Variants in ANKS1B observed in about 807,000 individuals in gnomAD.
The protein encoded by ANKS1B is ankyrin repeat and sterile alpha motif domain-containing protein 1B.
A neutral mutation model predicts 148.3 loss-of-function variants in ANKS1B; 36 were observed. The observed-to-expected ratio is 0.24, with a 90% CI of 0.19 to 0.32. ANKS1B has a LOEUF of 0.32. Ranked by LOEUF, ANKS1B falls within the 10% of genes least tolerant of loss-of-function variation. The pLI, the probability that ANKS1B is intolerant of heterozygous loss-of-function variation, is 1.00. For synonymous variants in ANKS1B, 542 were observed against 560.8 expected (o/e 0.97, Z 0.47); for missense variants, 1,157 against 1,542.6 (o/e 0.75, Z 4.19).
chr12:98,817,146 G>A (rs2099148182), intron 19 of ANKS1B, among the ~76,000 whole-genome samples: 1 of 152,180 alleles, frequency 6.6e-6, no homozygotes, highest in Non-Finnish European at 1.5e-5. Flanking sequence ...ATAATGAAGT[G>A]CATTCCTTCT....
At chr12:98,889,358 T>A (rs529795788) in intron 17 of ANKS1B, among the ~76,000 whole-genome samples, 14 of 152,256 alleles carry the variant, frequency 9.2e-5, no homozygotes, top group South Asian at 6.2e-4. Context: ...TTATTTTTTT[T>A]TTTTTTGAGA....
At chr12:99,688,126 G>A (rs1277960759) in intron 8 of ANKS1B, among the ~76,000 whole-genome samples, 1 of 152,092 alleles carries the variant, frequency 6.6e-6, no homozygotes, top group Non-Finnish European at 1.5e-5. Context: ...TCACTGTTGG[G>A]AATATAAAAC....
intron 2 of ANKS1B, among the ~76,000 whole-genome samples, chr12:99,819,540 A>G (rs1467217663): frequency 6.6e-6 from 1 of 151,858 alleles, no homozygotes; most frequent in Non-Finnish European, 1.5e-5. Context: ...AAATACTTTA[A>G]AAGGTAGAAG....
At chr12:98,942,418 A>G (rs1358992057) in intron 17 of ANKS1B, among the ~76,000 whole-genome samples, 2 of 152,240 alleles carry the variant, frequency 1.3e-5, no homozygotes, top group Non-Finnish European at 2.9e-5. Flanking sequence ...AACAAGACCT[A>G]TCTCTGCAAG....
intron 1 of ANKS1B, among the ~76,000 whole-genome samples, chr12:99,949,495 T>G (rs2095158361): frequency 6.6e-6 from 1 of 152,114 alleles, no homozygotes; most frequent in South Asian, 2.1e-4. Context: ...TTGGGGTTAA[T>G]AAGTTACTGT....
At chr12:99,026,521 T>A (rs2099948870) in intron 17 of ANKS1B, among the ~76,000 whole-genome samples, 1 of 151,956 alleles carries the variant, frequency 6.6e-6, no homozygotes, top group South Asian at 2.1e-4. Flanking sequence ...AGACAAAGAG[T>A]CAGATCTGGG....
In ANKS1B at chr12:99,512,624, C is replaced by T. The variant is rs577919461; in HGVS notation, c.1273-7983G>A. 2.2e-4 allele frequency among the ~76,000 whole-genome samples: 33 copies of T among 152,156 alleles called. No individual in the cohort carries two copies. In the South Asian group the frequency reaches 4.6e-3, roughly 21 times the overall value. ...CATATAAGTTCATTACAGCACTGTT[C>T]ACAATAGCAAAGACATGGGGTCAAC... On this transcript the variant is annotated intron_variant, in intron 9 of 26. Transcript: ENST00000683438.
At chr12:99,038,606 T>A (rs2099956971) in intron 17 of ANKS1B, among the ~76,000 whole-genome samples, 1 of 152,216 alleles carries the variant, frequency 6.6e-6, no homozygotes, top group Non-Finnish European at 1.5e-5. Context: ...TAGATTACTA[T>A]GCAACCCCTC....
At chr12:98,788,488 G>T (rs2098818357) in intron 22 of ANKS1B, among the ~76,000 whole-genome samples, 1 of 152,122 alleles carries the variant, frequency 6.6e-6, no homozygotes, top group Non-Finnish European at 1.5e-5. Context: ...ACCTTGCAAG[G>T]ACTTTTCTGG....
intron 9 of ANKS1B, among the ~76,000 whole-genome samples, chr12:99,522,648 C>A (rs1410622749): frequency 6.6e-6 from 1 of 152,100 alleles, no homozygotes; most frequent in African/African-American, 2.4e-5. Flanking sequence ...ATAAAAAATT[C>A]ATCATGGAGC....
At chr12:99,702,210 T>C (rs777729032) in intron 8 of ANKS1B, among the ~76,000 whole-genome samples, 3 of 152,162 alleles carry the variant, frequency 2.0e-5, no homozygotes, top group Non-Finnish European at 4.4e-5. Context: ...TTGTTATTGC[T>C]TGTCTTTTTA....
chr12:99,922,938 T>A (rs1450395286), intron 1 of ANKS1B, among the ~76,000 whole-genome samples: 6 of 147,060 alleles, frequency 4.1e-5, no homozygotes, highest in Non-Finnish European at 6.0e-5. Flanking sequence ...TCCAGAACTA[T>A]AAAAAAAAAA....
intron 15 of ANKS1B, among the ~76,000 whole-genome samples, chr12:99,151,030 T>G (rs1352718869): frequency 6.6e-6 from 1 of 152,196 alleles, no homozygotes; most frequent in East Asian, 1.9e-4. Flanking sequence ...TACAAATTTC[T>G]ATTTATTTTA....
intron 1 of ANKS1B, among the ~76,000 whole-genome samples, chr12:99,835,615 G>A (rs2153692752): frequency 6.6e-6 from 1 of 152,080 alleles, no homozygotes; most frequent in South Asian, 2.1e-4. Context: ...TTTTTGTACT[G>A]TTTTCAATAT....
At position 99,538,628 on chromosome 12, in the gene ANKS1B, T is replaced by G. The variant is rs368554846; in HGVS notation, c.1273-33987A>C. Among the ~76,000 whole-genome samples the G allele has an allele frequency of 8.5e-5, 13 of 152,296 alleles. No homozygotes were observed. The South Asian group carries it at 2.7e-3, about 32-fold the overall frequency. On this transcript the variant is annotated intron_variant, in intron 9 of 26. Transcript: ENST00000683438. ...CCTGCTACTTTACCAAATTTACTAGTTCTAATAGTTTTCTTGTGGAGCCTT... is the reference window on the plus strand; with the variant it reads ...CCTGCTACTTTACCAAATTTACTAGGTCTAATAGTTTTCTTGTGGAGCCTT...
At chr12:99,422,865 C>G (rs1469028304) in intron 11 of ANKS1B, among the ~76,000 whole-genome samples, 1 of 152,006 alleles carries the variant, frequency 6.6e-6, no homozygotes, top group Non-Finnish European at 1.5e-5. Flanking sequence ...TAAAAATTTC[C>G]TACAAAGGAG....
intron 19 of ANKS1B, among the ~76,000 whole-genome samples, chr12:98,827,766 A>G (rs2099261713): frequency 6.6e-6 from 1 of 152,194 alleles, no homozygotes; most frequent in Non-Finnish European, 1.5e-5. Context: ...GCTAATGCTC[A>G]TTAAAGAACT....
At chr12:99,123,350 A>T (rs1197896465) in intron 15 of ANKS1B, among the ~76,000 whole-genome samples, 1 of 152,206 alleles carries the variant, frequency 6.6e-6, no homozygotes, top group Non-Finnish European at 1.5e-5. Flanking sequence ...ACAGAAGGTT[A>T]GCAGGGCACA....
At chr12:99,388,674 G>T (rs1451085657) in intron 12 of ANKS1B, among the ~76,000 whole-genome samples, 1 of 152,118 alleles carries the variant, frequency 6.6e-6, no homozygotes, top group Non-Finnish European at 1.5e-5. Context: ...CTCTGCTCAG[G>T]GTCTCATTTA....
Sources: gnomAD v4.1 joint callset for allele counts (sites outside exome capture counted in the v4.1 genomes callset) on GRCh38, gnomAD v4.1.1 for gene constraint, MANE v1.5 for transcripts, NCBI Gene and HGNC (gene_info 2026-07-23, HGNC 2026-07-21) for gene names.